LMO7: variants seen among roughly 807,000 people sequenced by gnomAD.
LMO7 encodes the protein LIM domain 7, also known as LIM domain only protein 7.
In LMO7, 120 loss-of-function variants were observed where a neutral mutation model predicts 206.5. The ratio of observed to expected loss-of-function variants is 0.58; its 90% CI spans 0.50 to 0.68. The LOEUF (loss-of-function observed/expected upper bound fraction) is 0.68. Ranked by LOEUF, LMO7 falls within the 30% of genes least tolerant of loss-of-function variation. The pLI is 0.00. For synonymous variants in LMO7, 706 were observed against 681.5 expected, an observed-to-expected ratio of 1.04 and a Z score of -0.56; for missense variants, 1,959 against 1,957.9, an observed-to-expected ratio of 1.00 and a Z score of -0.01.
intron 1 of LMO7, among the ~76,000 whole-genome samples, chr13:75,705,050 G>A (rs2042554699): frequency 6.6e-6 from 1 of 152,208 alleles, no homozygotes; most frequent in African/African-American, 2.4e-5. Context: ...TGGTAAGACA[G>A]GTTTGGCAGA....
intron 26 of LMO7, among the ~76,000 whole-genome samples, chr13:75,845,637 C>T (rs894269042): frequency 5.3e-5 from 8 of 152,086 alleles, no homozygotes; most frequent in Admixed American, 1.3e-4. Flanking sequence ...TTTTGCAAAG[C>T]GATGCTGATG....
chr13:75,666,442 G>A (rs1475704494), intron 1 of LMO7, among the ~76,000 whole-genome samples: 3 of 152,198 alleles, frequency 2.0e-5, no homozygotes, highest in African/African-American at 7.2e-5. Flanking sequence ...TCTTCCTAAA[G>A]TGTTCTCATT....
intron 4 of LMO7, among the ~76,000 whole-genome samples, chr13:75,777,647 G>GTTTTT (rs3036339): frequency 4.5e-5 from 6 of 132,116 alleles, no homozygotes; most frequent in African/African-American, 1.1e-4. Context: ...TTCTTTTCTT[G>GTTTTT]TTTTTTTTTT....
intron 6 of LMO7, among the ~76,000 whole-genome samples, chr13:75,799,584 C>T (rs1278383468): frequency 6.6e-6 from 1 of 152,166 alleles, no homozygotes; most frequent in Admixed American, 6.5e-5. Context: ...TCATGCTTGT[C>T]TCCAGCTACT....
intron 20 of LMO7, 180 bp from the exon 21 acceptor site, chr13:75,839,905 C>G (rs1772664581): frequency 1.8e-6 from 1 of 545,656 alleles, no homozygotes; most frequent in Non-Finnish European, 3.2e-6. Context: ...AGATGAGTAA[C>G]AGATGGAACT....
At chr13:75,770,724 G>A (rs540542469) in intron 4 of LMO7, among the ~76,000 whole-genome samples, 62 of 152,052 alleles carry the variant, frequency 4.1e-4, no homozygotes, top group African/African-American at 1.5e-3. Context: ...ATGCAATTAA[G>A]TTTAGACAAA....
At chr13:75,675,392 C>T (rs1215730482) in intron 1 of LMO7, among the ~76,000 whole-genome samples, 2 of 152,038 alleles carry the variant, frequency 1.3e-5, no homozygotes, top group African/African-American at 2.4e-5. Flanking sequence ...CATATTTCTA[C>T]CCTGTATTTC....
chr13:75,757,844 G>A (rs1437753327), intron 3 of LMO7, among the ~76,000 whole-genome samples: 2 of 142,706 alleles, frequency 1.4e-5, no homozygotes, highest in Admixed American at 7.0e-5. Context: ...GTGTGTGTAT[G>A]TTGGTTTGTC....
At chr13:75,737,779 A>AAT (rs2046001855) in intron 3 of LMO7, among the ~76,000 whole-genome samples, 1 of 83,696 alleles carries the variant, frequency 1.2e-5, no homozygotes, top group African/African-American at 3.8e-5. Flanking sequence ...AAATAAAATA[A>AAT]AATAAAAAAA....
chr13:75,677,789 C>T (rs1419672646), intron 1 of LMO7, among the ~76,000 whole-genome samples: 3 of 118,922 alleles, frequency 2.5e-5, no homozygotes, highest in Non-Finnish European at 3.4e-5. Context: ...CTATCCCTCC[C>T]CCCTCCCCCC....
At chr13:75,762,976 G>A (rs144180195) in intron 4 of LMO7, among the ~76,000 whole-genome samples, 1 of 152,294 alleles carries the variant, frequency 6.6e-6, no homozygotes, top group African/African-American at 2.4e-5. Context: ...TTTAGTAAAG[G>A]AAGCAGATTT....
intron 24 of LMO7, among the ~76,000 whole-genome samples, chr13:75,842,461 C>T (rs186387719): frequency 1.6e-4 from 25 of 152,070 alleles, no homozygotes; most frequent in African/African-American, 5.3e-4. Context: ...AAATACAGGC[C>T]CCTTCTCACT....
chr13:75,624,452 A>C (rs1430560176), intron 2 of LMO7, among the ~76,000 whole-genome samples: 2 of 152,196 alleles, frequency 1.3e-5, no homozygotes, highest in Non-Finnish European at 2.9e-5. Flanking sequence ...TTACTTTAAG[A>C]ATATTTTACT....
chr13:75,706,073 T>C (rs909119834), intron 1 of LMO7, among the ~76,000 whole-genome samples: 1 of 152,218 alleles, frequency 6.6e-6, no homozygotes, highest in African/African-American at 2.4e-5. Context: ...TATTATCTCA[T>C]TTAATTCTCA....
At chr13:75,749,291 T>C (rs538670293) in intron 3 of LMO7, among the ~76,000 whole-genome samples, 3 of 152,346 alleles carry the variant, frequency 2.0e-5, no homozygotes, top group Admixed American at 6.5e-5. Context: ...AATATGCATT[T>C]TAGCATCACA....
chr13:75,641,048 C>T (rs1593997084), intron 1 of LMO7, among the ~76,000 whole-genome samples: 1 of 152,208 alleles, frequency 6.6e-6, no homozygotes, highest in Non-Finnish European at 1.5e-5. Flanking sequence ...GATTCAGTCA[C>T]CAAATTCTTA....
chr13:75,705,097 C>T (rs144026008), intron 1 of LMO7, among the ~76,000 whole-genome samples: 4 of 152,268 alleles, frequency 2.6e-5, no homozygotes, highest in Admixed American at 6.5e-5. Context: ...GAGGCCGCTC[C>T]GCCCTTCATA....
intron 25 of LMO7, 42 bp from the exon 26 acceptor site, chr13:75,845,285 A>G (rs945713011): frequency 9.8e-7 from 1 of 1,022,664 alleles, no homozygotes; most frequent in Admixed American, 2.3e-5. Context: ...AAAGGAGGTT[A>G]TTTAATGAGA....
intron 26 of LMO7, among the ~76,000 whole-genome samples, chr13:75,847,132 CT>C (rs142891732): frequency 6.6e-6 from 1 of 151,908 alleles, no homozygotes; most frequent in East Asian, 1.9e-4. Context: ...AACCTTTGGT[CT>C]TGCTCATTGC....
Sources: gnomAD v4.1 joint callset for allele counts (sites outside exome capture counted in the v4.1 genomes callset) on GRCh38, gnomAD v4.1.1 for gene constraint, MANE v1.5 for transcripts, NCBI Gene and HGNC (gene_info 2026-07-23, HGNC 2026-07-21) for gene names.